B3GALT1: variants seen among roughly 807,000 people sequenced by gnomAD.
B3GALT1 encodes beta-1,3-galactosyltransferase 1.
A neutral mutation model predicts 23.2 loss-of-function variants in B3GALT1; 10 were observed. That is an observed-to-expected ratio of 0.43 (90% confidence interval 0.27 to 0.73). B3GALT1 has a LOEUF of 0.73. B3GALT1 is among the 30% of genes least tolerant of loss of function. The pLI is 0.21. For missense variants in B3GALT1, 299 were observed against 405.4 expected, an observed-to-expected ratio of 0.74 and a Z score of 2.25; for synonymous variants, 156 against 141.5, an observed-to-expected ratio of 1.10 and a Z score of -0.73.
intron 4 of B3GALT1, among the ~76,000 whole-genome samples, chr2:167,822,883 A>T (rs1198025254): frequency 6.6e-6 from 1 of 152,226 alleles, no homozygotes; most frequent in East Asian, 1.9e-4. Flanking sequence ...AGGGTGGGAC[A>T]GAGAATGCTG....
intron 1 of B3GALT1, among the ~76,000 whole-genome samples, chr2:167,484,270 G>A (rs930472818): frequency 6.6e-6 from 1 of 151,878 alleles, no homozygotes. Flanking sequence ...ACTATACCAG[G>A]TACTGTACTA....
At chr2:167,617,574 T>C (rs1685183161) in intron 2 of B3GALT1, among the ~76,000 whole-genome samples, 1 of 152,098 alleles carries the variant, frequency 6.6e-6, no homozygotes, top group African/African-American at 2.4e-5. Flanking sequence ...TTCTTGTTAA[T>C]ATAGTAAAAC....
rs1352290252 is a variant in B3GALT1 at position 167,559,443 on chromosome 2, G to A, written c.-410+69166G>A. ...CGCAATTCCTCACCAGCAACGAAACGAAGCTGGACGGAGGATGACTTTGAC... is the reference window on the plus strand; with the variant it reads ...CGCAATTCCTCACCAGCAACGAAACAAAGCTGGACGGAGGATGACTTTGAC... On this transcript the variant is annotated intron_variant, in intron 2 of 4. Coordinates refer to ENST00000392690, the MANE Select transcript of B3GALT1 (RefSeq NM_020981.4). Among the ~76,000 whole-genome samples the A allele has an allele frequency of 4.6e-5, 7 of 152,214 alleles. No homozygotes were observed. The South Asian group carries it at 8.3e-4, about 18-fold the overall frequency.
At chr2:167,701,350 C>T (rs767441561) in intron 3 of B3GALT1, among the ~76,000 whole-genome samples, 7 of 152,010 alleles carry the variant, frequency 4.6e-5, no homozygotes, top group East Asian at 1.9e-4. Context: ...CTAGGTGTGG[C>T]GGGGTGACTA....
At chr2:167,845,573 C>G (rs1689739390) in intron 4 of B3GALT1, among the ~76,000 whole-genome samples, 1 of 152,176 alleles carries the variant, frequency 6.6e-6, no homozygotes. Flanking sequence ...AGGGAACATC[C>G]TGTGGGACAA....
chr2:167,643,073 A>G (rs562601388), intron 2 of B3GALT1, among the ~76,000 whole-genome samples: 1 of 152,338 alleles, frequency 6.6e-6, no homozygotes, highest in Admixed American at 6.5e-5. Context: ...TTTTAAAAAC[A>G]TATAACAATG....
chr2:167,703,914 G>T lies in B3GALT1; in HGVS notation c.-352+56948G>T, dbSNP rs1574222214. 2.0e-5 allele frequency among the ~76,000 whole-genome samples: 3 copies of T among 152,196 alleles called. No homozygotes were observed. In the South Asian group the frequency reaches 6.2e-4, roughly 32 times the overall value. On this transcript the variant is annotated intron_variant, in intron 3 of 4. Transcript: ENST00000392690. ...AGGTAACTCAGGGCCCGGCGCGGTG[G>T]CTCACACCTGTAATCCCAGCACTTT... is the stretch of plus-strand genomic sequence containing the variant.
chr2:167,529,069 T>G (rs1683272808), intron 2 of B3GALT1, among the ~76,000 whole-genome samples: 1 of 152,162 alleles, frequency 6.6e-6, no homozygotes. Flanking sequence ...CCCATCTCAC[T>G]GAAACTCATG....
intron 1 of B3GALT1, among the ~76,000 whole-genome samples, chr2:167,316,115 T>C (rs573921360): frequency 6.6e-6 from 1 of 150,840 alleles, no homozygotes; most frequent in African/African-American, 2.4e-5. Flanking sequence ...CTGATAGAGA[T>C]AGAGGGGAAA....
chr2:167,502,478 T>G (rs989636218), intron 2 of B3GALT1, among the ~76,000 whole-genome samples: 1 of 152,222 alleles, frequency 6.6e-6, no homozygotes, highest in Non-Finnish European at 1.5e-5. Flanking sequence ...TAAAGAAGTT[T>G]ACTTGCATCA....
chr2:167,492,929 G>A (rs1157141060), intron 2 of B3GALT1, among the ~76,000 whole-genome samples: 1 of 151,672 alleles, frequency 6.6e-6, no homozygotes, highest in Non-Finnish European at 1.5e-5. Context: ...TATAGAAAGA[G>A]GTCATAATAG....
chr2:167,847,433 A>C (rs1262152162), intron 4 of B3GALT1, among the ~76,000 whole-genome samples: 2 of 152,188 alleles, frequency 1.3e-5, no homozygotes, highest in East Asian at 3.8e-4. Context: ...CTCCAAAAGG[A>C]ACCTTCAAAA....
Position 167,774,472 on chromosome 2 carries a change from G to GTTTTTTTTGTTTGTTTTTTTT in B3GALT1, c.-351-44192_-351-44191insGTTTGTTTTTTTTTTTTTTTT, listed in dbSNP as rs1558974686. 2.7e-5 allele frequency among the ~76,000 whole-genome samples: 3 copies of GTTTTTTTTGTTTGTTTTTTTT among 111,928 alleles called. 1 individual carries two copies. The highest frequency in any genetic ancestry group is 5.5e-5 in the Non-Finnish European group (3 of 54,418). The allele number at this position is 111,928 out of a possible 152,430, so 73.4% of individuals were successfully genotyped here. ...TTCTGTAGTTTTTCTGTGTTTATTG[G>GTTTTTTTTGTTTGTTTTTTTT]TTTTTTTTTTTTGTTTTTTTTTTTG... On this transcript the variant is annotated intron_variant, in intron 3 of 4. Coordinates refer to ENST00000392690, the MANE Select transcript of B3GALT1 (RefSeq NM_020981.4).
chr2:167,705,644 G>T (rs180724604), intron 3 of B3GALT1, among the ~76,000 whole-genome samples: 25 of 152,252 alleles, frequency 1.6e-4, no homozygotes, highest in Admixed American at 1.6e-3. Flanking sequence ...TGCAGCTAGA[G>T]CTGTAACAAT....
At chr2:167,658,994 T>C (rs1274423802) in intron 3 of B3GALT1, among the ~76,000 whole-genome samples, 1 of 152,144 alleles carries the variant, frequency 6.6e-6, no homozygotes, top group Non-Finnish European at 1.5e-5. Context: ...GTCTCGAGTT[T>C]TGTAAATATG....
chr2:167,436,775 A>C (rs1698792544), intron 1 of B3GALT1, among the ~76,000 whole-genome samples: 1 of 152,242 alleles, frequency 6.6e-6, no homozygotes, highest in South Asian at 2.1e-4. Context: ...CCCCCAGTTA[A>C]GAGGGTGCTG....
chr2:167,579,944 T>C (rs2105406663), intron 2 of B3GALT1, among the ~76,000 whole-genome samples: 1 of 152,290 alleles, frequency 6.6e-6, no homozygotes, highest in African/African-American at 2.4e-5. Context: ...TAGTGATTGA[T>C]AGATGGTAGA....
chr2:167,504,969 A>G (rs977261976), intron 2 of B3GALT1, among the ~76,000 whole-genome samples: 5 of 152,200 alleles, frequency 3.3e-5, no homozygotes, highest in African/African-American at 7.2e-5. Flanking sequence ...ATGCATGACT[A>G]TATGTACAGC....
chr2:167,556,282 CTG>C (rs1456441485), intron 2 of B3GALT1, among the ~76,000 whole-genome samples: 16 of 152,086 alleles, frequency 1.1e-4, no homozygotes, highest in African/African-American at 3.9e-4. Context: ...ATGCTTAAAA[CTG>C]AGCGCAAATG....
Sources: gnomAD v4.1 joint callset for allele counts (sites outside exome capture counted in the v4.1 genomes callset) on GRCh38, gnomAD v4.1.1 for gene constraint, MANE v1.5 for transcripts, NCBI Gene and HGNC (gene_info 2026-07-23, HGNC 2026-07-21) for gene names.